The following SAMD12 variants were observed in gnomAD, a reference collection of about 807,000 sequenced individuals.
SAMD12 encodes sterile alpha motif domain-containing protein 12.
Under a neutral mutation model 15.0 loss-of-function variants are expected in SAMD12, and 9 were observed. That is an observed-to-expected ratio of 0.60 (90% CI 0.36 to 1.05). SAMD12 has a LOEUF of 1.05. Ranked by LOEUF, SAMD12 falls within the 50% of genes least tolerant of loss-of-function variation. The pLI, the probability that SAMD12 is intolerant of heterozygous loss-of-function variation, is 0.01. For synonymous variants in SAMD12, 86 were observed against 90.1 expected, an observed-to-expected ratio of 0.96 and a Z score of 0.25; for missense variants, 230 against 234.2, an observed-to-expected ratio of 0.98 and a Z score of 0.12.
chr8:118,298,378 T>C (rs755219386), intron 4 of SAMD12, among the ~76,000 whole-genome samples: 1 of 152,216 alleles, frequency 6.6e-6, no homozygotes, highest in Non-Finnish European at 1.5e-5. Context: ...GCATATACAA[T>C]GTTATGAACA....
chr8:118,202,956 G>T (rs1208963295), intron 4 of SAMD12, among the ~76,000 whole-genome samples: 1 of 152,206 alleles, frequency 6.6e-6, no homozygotes, highest in African/African-American at 2.4e-5. Flanking sequence ...GTTACTCATT[G>T]AATCTGTACT....
At chr8:118,186,761 A>C (rs772926140), downstream of SAMD12, among the ~76,000 whole-genome samples, 9 of 152,186 alleles carry the variant, frequency 5.9e-5, no homozygotes, top group Non-Finnish European at 1.3e-4. Context: ...GCTGAGCTGG[A>C]GAGGCAGAAG....
intron 4 of SAMD12, among the ~76,000 whole-genome samples, chr8:118,359,424 G>A (rs909611734): frequency 3.6e-4 from 55 of 152,242 alleles, no homozygotes; most frequent in African/African-American, 1.3e-3. Context: ...AGCCCCAGCC[G>A]ACTAATATAA....
intron 2 of SAMD12, among the ~76,000 whole-genome samples, chr8:118,461,378 T>A (rs1391819234): frequency 6.6e-6 from 1 of 152,238 alleles, no homozygotes; most frequent in Non-Finnish European, 1.5e-5. Flanking sequence ...GATGTTTCAA[T>A]TAATATTTTA....
Position 118,378,604 on chromosome 8 carries a change from A to G in SAMD12, c.*813T>C, listed in dbSNP as rs2130707668. On this transcript the variant is annotated 3_prime_UTR_variant, in exon 4 of 4. Transcript: ENST00000314727. The stretch of plus-strand genomic sequence containing the variant: ...ATAACATGAAACTTGGCTGACCCAG[A>G]TTTCTCCAATATCGGTATGCATGCA... 1.0e-6 allele frequency: 1 copy of G among 985,368 alleles called. No individual in the cohort carries two copies. Among genetic ancestry groups the G allele is most frequent in the South Asian group, 4.7e-5 (1 of 21,286 alleles). 61.0% of individuals were successfully genotyped at this position (985,368 alleles called of 1,614,324 possible).
In SAMD12 at chr8:118,366,771, C is replaced by T. The variant is rs1818789027; in HGVS notation, c.433+12789G>A. Among the ~76,000 whole-genome samples, 6 of 150,434 alleles carry T rather than the reference C, an allele frequency of 4.0e-5. No individual in the cohort carries two copies. In the Admixed American group the frequency reaches 4.0e-4, roughly 10 times the overall value. On this transcript the variant is annotated intron_variant, in intron 4 of 4. Transcript: ENST00000409003. Reference sequence around the variant, plus strand: ...AGGTTGCAGTGAACCCAGATCGCGCCATTGCACTCCAGCCTGGGCAACAAG... The same window carrying T: ...AGGTTGCAGTGAACCCAGATCGCGCTATTGCACTCCAGCCTGGGCAACAAG...
chr8:118,142,526 CTG>C, the SAMD12 span, among the ~76,000 whole-genome samples: 10 of 152,238 alleles, frequency 6.6e-5, no homozygotes, highest in African/African-American at 2.2e-4. Flanking sequence ...ACTGCAGAAA[CTG>C]TCTTCGGCAT....
chr8:118,573,410 C>A (rs765762859), intron 2 of SAMD12, among the ~76,000 whole-genome samples: 1 of 152,144 alleles, frequency 6.6e-6, no homozygotes, highest in Non-Finnish European at 1.5e-5. Flanking sequence ...TTATAAACTA[C>A]CCAGTCTTGG....
At chr8:118,282,298 T>C (rs1453337981) in intron 4 of SAMD12, 1 of 456,258 alleles carries the variant, frequency 2.2e-6, no homozygotes, top group Non-Finnish European at 4.4e-6. Context: ...AGTGCCTTGT[T>C]TTCGCCATTT....
chr8:118,274,181 T>C (rs1357982105), intron 4 of SAMD12, among the ~76,000 whole-genome samples: 1 of 152,144 alleles, frequency 6.6e-6, no homozygotes, highest in Non-Finnish European at 1.5e-5. Flanking sequence ...CTGCATGACA[T>C]GAACCTATGA....
chr8:118,248,664 T>A (rs1226482695), intron 4 of SAMD12, among the ~76,000 whole-genome samples: 2 of 151,900 alleles, frequency 1.3e-5, no homozygotes, highest in Non-Finnish European at 1.5e-5. Flanking sequence ...ATGTACACCC[T>A]CTTCTGAAAA....
intron 2 of SAMD12, among the ~76,000 whole-genome samples, chr8:118,550,325 A>G (rs1826284743): frequency 6.6e-6 from 1 of 152,260 alleles, no homozygotes; most frequent in Non-Finnish European, 1.5e-5. Context: ...CTAACAGTGG[A>G]TCTCTCTGCA....
chr8:118,447,485 A>G (rs1822949204), intron 2 of SAMD12, among the ~76,000 whole-genome samples: 1 of 151,648 alleles, frequency 6.6e-6, no homozygotes, highest in Admixed American at 6.6e-5. Flanking sequence ...TTGCATTATT[A>G]GTAGAGATGG....
At chr8:118,355,987 A>G (rs1407786192) in intron 4 of SAMD12, among the ~76,000 whole-genome samples, 25 of 151,900 alleles carry the variant, frequency 1.6e-4, no homozygotes, top group Admixed American at 1.6e-3. Flanking sequence ...TCAGTGTTTG[A>G]TTTATTAGAA....
intron 4 of SAMD12, among the ~76,000 whole-genome samples, chr8:118,274,212 T>C (rs777840547): frequency 2.8e-4 from 43 of 152,174 alleles, no homozygotes; most frequent in Non-Finnish European, 6.0e-4. Flanking sequence ...AGTAAAAGTG[T>C]GGACACAGAA....
intron 2 of SAMD12, among the ~76,000 whole-genome samples, chr8:118,470,522 C>A (rs543577871): frequency 6.6e-6 from 1 of 152,174 alleles, no homozygotes; most frequent in Non-Finnish European, 1.5e-5. Context: ...GCCCAACCTG[C>A]AGAAGGCTTG....
intron 1 of SAMD12, among the ~76,000 whole-genome samples, chr8:118,609,641 C>A (rs2131313263): frequency 6.6e-6 from 1 of 152,314 alleles, no homozygotes; most frequent in African/African-American, 2.4e-5. Context: ...AGAAACATTT[C>A]TAACATCTGC....
intron 2 of SAMD12, among the ~76,000 whole-genome samples, chr8:118,471,183 T>A (rs1033652186): frequency 7.2e-6 from 1 of 139,498 alleles, no homozygotes; most frequent in African/African-American, 3.2e-5. Flanking sequence ...GGTCACAGCA[T>A]TTTTTTTTTC....
chr8:118,348,255 G>C (rs1402488530), intron 4 of SAMD12, among the ~76,000 whole-genome samples: 3 of 151,982 alleles, frequency 2.0e-5, no homozygotes, highest in African/African-American at 7.2e-5. Flanking sequence ...TTTTTGTAGA[G>C]ACAGGGTTTT....
Sources: gnomAD v4.1 joint callset for allele counts (sites outside exome capture counted in the v4.1 genomes callset) on GRCh38, gnomAD v4.1.1 for gene constraint, MANE v1.5 for transcripts, NCBI Gene and HGNC (gene_info 2026-07-23, HGNC 2026-07-21) for gene names.